The following PIK3CG variants were observed in gnomAD, a reference collection of about 807,000 sequenced individuals.
PIK3CG encodes phosphatidylinositol-4,5-bisphosphate 3-kinase catalytic subunit gamma.
Under a neutral mutation model 102.3 loss-of-function variants are expected in PIK3CG, and 55 were observed. The ratio of observed to expected loss-of-function variants is 0.54; its 90% CI spans 0.43 to 0.67. The LOEUF is 0.67. Ranked by LOEUF, PIK3CG falls within the 30% of genes least tolerant of loss-of-function variation. PIK3CG has a pLI of 0.00. For synonymous variants in PIK3CG, 552 were observed against 540.0 expected, an observed-to-expected ratio of 1.02 and a Z score of -0.31; for missense variants, 1,258 against 1,391.8, an observed-to-expected ratio of 0.90 and a Z score of 1.53.
chr7:106,904,545 TCTCA>T (rs1791640990), intron 10 of PIK3CG, among the ~76,000 whole-genome samples: 1 of 152,214 alleles, frequency 6.6e-6, no homozygotes, highest in African/African-American at 2.4e-5. Flanking sequence ...AAGCCCTCTC[TCTCA>T]CTCAGTGTTC....
rs1285594350 is a variant in PIK3CG, at chr7:106,899,213, G to A, written c.3031-5896G>A. On this transcript the variant is annotated intron_variant, in intron 10 of 10. Coordinates refer to ENST00000496166, the MANE Select transcript of PIK3CG (RefSeq NM_001282426.2). The surrounding 1 kb of genome is among the most constrained non-coding windows in gnomAD (Gnocchi z 4.6). ...ATGCGTGATTTTTTACACTGATTTT[G>A]GATCCTACAACTTTGCTGAAGTTGT... is the stretch of plus-strand genomic sequence containing the variant. 6.6e-6 allele frequency among the ~76,000 whole-genome samples: 1 copy of A among 152,094 alleles called. No individual in the cohort carries two copies. The highest frequency in any genetic ancestry group is 1.5e-5 in the Non-Finnish European group (1 of 68,008).
intron 10 of PIK3CG, among the ~76,000 whole-genome samples, chr7:106,898,281 C>A (rs1791459571): frequency 6.6e-6 from 1 of 152,128 alleles, no homozygotes; most frequent in Non-Finnish European, 1.5e-5. Context: ...GATATTAGAC[C>A]TTTGTCAGAT....
At position 106,877,491 on chromosome 7, in the gene PIK3CG, A is replaced by G. The variant is rs1198631826; in HGVS notation, c.2392-2028A>G. Among the ~76,000 whole-genome samples, 1 of 152,212 alleles carries G rather than the reference A, an allele frequency of 6.6e-6. No homozygotes were observed. The highest frequency in any genetic ancestry group is 1.5e-5 in the Non-Finnish European group (1 of 68,032). ...TTTTCTTAGAAGGGTTATGGTTTTA[A>G]TTCTTACATTGAAGTCTGCAATCCA... On this transcript the variant is annotated intron_variant, in intron 5 of 10. Transcript: ENST00000496166. This position sits in a 1 kb window ranked among gnomAD's most constrained non-coding sequence, Gnocchi z 4.5.
chr7:106,904,840 A>G (rs1270058662), intron 10 of PIK3CG, among the ~76,000 whole-genome samples: 1 of 152,220 alleles, frequency 6.6e-6, no homozygotes, highest in Admixed American at 6.5e-5. Flanking sequence ...AAGAAACTGA[A>G]TTAAAAAGGT....
In PIK3CG at chr7:106,896,126, G is replaced by A. The variant is rs534807142; in HGVS notation, c.3031-8983G>A. Among the ~76,000 whole-genome samples, 12 of 152,344 alleles carry A rather than the reference G, an allele frequency of 7.9e-5. No homozygotes were observed. In the East Asian group the frequency reaches 2.3e-3, roughly 29 times the overall value. On this transcript the variant is annotated intron_variant, in intron 10 of 10. Transcript: ENST00000496166. ...ATTAGAATCAACAGAAATTCTTTAT[G>A]TGAGTGAAATAGCCTTCGAGAAAAG...
In PIK3CG at chr7:106,884,430, A is replaced by G. The variant is rs1360847229; in HGVS notation, c.2872+164A>G. ...CACCATTCATCCCCAGAATTTTTCC[A>G]TCTTCCCCAGCTGAAACTCTGTACC... On this transcript the variant is annotated intron_variant, in intron 9 of 10. Coordinates refer to ENST00000496166, the MANE Select transcript of PIK3CG (RefSeq NM_001282426.2). The surrounding 1 kb of genome is among the most constrained non-coding windows in gnomAD (Gnocchi z 4.2). Among the ~76,000 whole-genome samples the G allele has an allele frequency of 6.6e-6, 1 of 152,158 alleles. No individual in the cohort carries two copies. Among genetic ancestry groups the G allele is most frequent in the Non-Finnish European group, 1.5e-5 (1 of 68,018 alleles).
chr7:106,882,222 C>T lies in PIK3CG; in HGVS notation c.2629+15C>T. 1.5e-6 allele frequency: 2 copies of T among 1,357,324 alleles called. No homozygotes were observed. Among genetic ancestry groups the T allele is most frequent in the East Asian group, 2.5e-5 (1 of 40,304 alleles). 84.1% of individuals were successfully genotyped at this position (1,357,324 alleles called of 1,614,324 possible). Reference sequence around the variant, plus strand: ...TGACAAAATAGGTATGTAGTTACCTCAGGAGATGAATAGACCTCTCAGCTC... The same window carrying T: ...TGACAAAATAGGTATGTAGTTACCTTAGGAGATGAATAGACCTCTCAGCTC... On this transcript the variant is annotated intron_variant, in intron 7 of 10. Transcript: ENST00000496166.
intron 2 of PIK3CG, among the ~76,000 whole-genome samples, chr7:106,871,598 TAA>T (rs371205290): frequency 1.1e-4 from 17 of 152,354 alleles, no homozygotes; most frequent in Middle Eastern, 3.4e-3. Context: ...TATTTAATAT[TAA>T]GTCTTTCTTC....
At position 106,899,453 on chromosome 7, in the gene PIK3CG, G is replaced by A. The variant is rs1791490257; in HGVS notation, c.3031-5656G>A. Among the ~76,000 whole-genome samples, 1 of 152,154 alleles carries A rather than the reference G, an allele frequency of 6.6e-6. No homozygotes were observed. Among genetic ancestry groups the A allele is most frequent in the Non-Finnish European group, 1.5e-5 (1 of 68,026 alleles). On this transcript the variant is annotated intron_variant, in intron 10 of 10. Transcript: ENST00000496166. The surrounding 1 kb of genome is among the most constrained non-coding windows in gnomAD (Gnocchi z 4.6). Reference sequence around the variant, plus strand: ...CTTGTCTTGTGCCAGTTTTCAAGGGGAATGCTTCCAGCTTTTGCCCATTCA... The same window carrying A: ...CTTGTCTTGTGCCAGTTTTCAAGGGAAATGCTTCCAGCTTTTGCCCATTCA...
chr7:106,869,166 C>A lies in PIK3CG; in HGVS notation c.1605C>A (p.Thr535=), dbSNP rs2116459478. The A allele has an allele frequency of 6.2e-7, 1 of 1,614,184 alleles. No homozygotes were observed. The highest frequency in any genetic ancestry group is 8.5e-7 in the Non-Finnish European group (1 of 1,180,040). ...HPIALPKHQP[T]PDPEGDRVRA... Reference sequence around the variant, plus strand: ...TAGCCCTGCCTAAGCATCAGCCCACCCCTGACCCGGAAGGGGACCGGGTTC... The same window carrying A: ...TAGCCCTGCCTAAGCATCAGCCCACACCTGACCCGGAAGGGGACCGGGTTC... Residue 535 remains threonine (T), a synonymous_variant, in exon 2 of 11, where the codon ACC becomes ACA. Coordinates refer to ENST00000496166, the MANE Select transcript of PIK3CG (RefSeq NM_001282426.2). This position sits in a 1 kb window ranked among gnomAD's most constrained non-coding sequence, Gnocchi z 5.3.
chr7:106,874,630 G>A lies in PIK3CG; in HGVS notation c.2288-70G>A, dbSNP rs983391445. On this transcript the variant is annotated intron_variant, in intron 4 of 10. Coordinates refer to ENST00000496166, the MANE Select transcript of PIK3CG (RefSeq NM_001282426.2). This position sits in a 1 kb window ranked among gnomAD's most constrained non-coding sequence, Gnocchi z 4.3. ...AATGCTATGAATAAATGTGTTCTCA[G>A]GAAATGTAATAGATAATATTGATGA... The A allele has an allele frequency of 2.2e-5, 23 of 1,025,630 alleles. No individual in the cohort carries two copies. The highest frequency in any genetic ancestry group is 2.9e-5 in the Non-Finnish European group (19 of 658,704). 63.5% of individuals were successfully genotyped at this position (1,025,630 alleles called of 1,614,324 possible). A position where few individuals can be genotyped will look rare whatever the true frequency, so the allele number is the denominator to read the frequency against.
rs1342104015 is a variant in PIK3CG, at chr7:106,897,548, T to C, written c.3031-7561T>C. ...CCTCCTCTCATTCTCTCCCCTCAAG[T>C]AGATCCCAGTGTCTGTTGTTTCCTT... is the stretch of plus-strand genomic sequence containing the variant. On this transcript the variant is annotated intron_variant, in intron 10 of 10. Coordinates refer to ENST00000496166, the MANE Select transcript of PIK3CG (RefSeq NM_001282426.2). This position sits in a 1 kb window ranked among gnomAD's most constrained non-coding sequence, Gnocchi z 4.6. 6.6e-6 allele frequency among the ~76,000 whole-genome samples: 1 copy of C among 152,134 alleles called. No individual in the cohort carries two copies. The highest frequency in any genetic ancestry group is 2.4e-5 in the African/African-American group (1 of 41,422).
In PIK3CG at chr7:106,886,294, T is replaced by C. The variant is rs1262984943; in HGVS notation, c.3030+2T>C. 2 of 1,614,020 alleles carry C rather than the reference T, an allele frequency of 1.2e-6. No homozygotes were observed. Among genetic ancestry groups the C allele is most frequent in the Non-Finnish European group, 1.7e-6 (2 of 1,179,962 alleles). ...AGCCCACACTTCCAGAAATTTCAGG[T>C]AAGTCACCTCCTTCATCGCCTGCTG... On this transcript the variant is annotated splice_donor_variant, in intron 10 of 10. Coordinates refer to ENST00000496166, the MANE Select transcript of PIK3CG (RefSeq NM_001282426.2). LOFTEE classifies it high-confidence loss of function.
At chr7:106,878,515 T>C (rs1179982714) in intron 5 of PIK3CG, among the ~76,000 whole-genome samples, 1 of 152,214 alleles carries the variant, frequency 6.6e-6, no homozygotes, top group Non-Finnish European at 1.5e-5. Context: ...TGGATTTCCT[T>C]CCTCTGTGCT....
Position 106,902,557 on chromosome 7 carries a change from A to C in PIK3CG, c.3031-2552A>C, listed in dbSNP as rs1791586621. ...GTCCTTAAAAGACTAAAAAAAAAAAAGTCCAGTTTTTAGGTAAATTTTCCA... is the reference window on the plus strand; with the variant it reads ...GTCCTTAAAAGACTAAAAAAAAAAACGTCCAGTTTTTAGGTAAATTTTCCA... On this transcript the variant is annotated intron_variant, in intron 10 of 10. Transcript: ENST00000496166. The surrounding 1 kb of genome is among the most constrained non-coding windows in gnomAD (Gnocchi z 4.3). Among the ~76,000 whole-genome samples the C allele has an allele frequency of 6.6e-6, 1 of 151,780 alleles. No homozygotes were observed. Among genetic ancestry groups the C allele is most frequent in the Non-Finnish European group, 1.5e-5 (1 of 67,986 alleles).
Position 106,884,249 on chromosome 7 carries a change from T to C in PIK3CG, c.2855T>C (p.Ile952Thr). 3 of 1,611,010 alleles carry C rather than the reference T, an allele frequency of 1.9e-6. No individual in the cohort carries two copies. The highest frequency in any genetic ancestry group is 2.5e-6 in the Non-Finnish European group (3 of 1,177,278). Residue 952 changes from isoleucine (I) to threonine (T), a missense_variant, in exon 9 of 11, where the codon ATT becomes ACT. Around this residue, in one of 2 missense-constraint regions of PIK3CG, gnomAD observed 426 missense variants for 604.2 expected, o/e 0.71. Transcript: ENST00000496166. The surrounding 1 kb of genome is among the most constrained non-coding windows in gnomAD (Gnocchi z 4.2). ...LGIGDRHNDN[I>T]MITETGNLFH... The stretch of plus-strand genomic sequence containing the variant: ...ATAGGCGACAGACACAATGACAATA[T>C]TATGATCACCGAGACAGGTGAGTTT...
intron 10 of PIK3CG, among the ~76,000 whole-genome samples, chr7:106,900,627 T>A (rs1791522817): frequency 6.6e-6 from 1 of 152,176 alleles, no homozygotes; most frequent in Non-Finnish European, 1.5e-5. Context: ...TATGTTAGCT[T>A]GTTTGTGTGG....
Position 106,883,223 on chromosome 7 carries a change from T to G in PIK3CG, c.2760+60T>G. On this transcript the variant is annotated intron_variant, in intron 8 of 10. Transcript: ENST00000496166. The surrounding 1 kb of genome is among the most constrained non-coding windows in gnomAD (Gnocchi z 5.8). ...TTACAAGTTGTCATTTATATAGCAG[T>G]AGTGGCTTCAAGTTTTCAGAGAATC... The G allele has an allele frequency of 6.4e-7, 1 of 1,565,218 alleles. No homozygotes were observed. Among genetic ancestry groups the G allele is most frequent in the Admixed American group, 1.7e-5 (1 of 57,844 alleles).
rs900422563 is a variant in PIK3CG, at chr7:106,867,655, C to G, written c.94C>G (p.Leu32Val). 1 of 1,613,416 alleles carries G rather than the reference C, an allele frequency of 6.2e-7. No individual in the cohort carries two copies. Among genetic ancestry groups the G allele is most frequent in the Non-Finnish European group, 8.5e-7 (1 of 1,180,024 alleles). Residue 32 changes from leucine to valine, a missense_variant, in exon 2 of 11, where the codon CTG (leucine) becomes GTG (valine). Leu to Val is a conservative substitution (Grantham distance 32). Transcript: ENST00000496166. The surrounding 1 kb of genome is among the most constrained non-coding windows in gnomAD (Gnocchi z 5.1). ...GAAGCCGCGCAGTGCTGCGGCCAGC[C>G]TGTCCTCCATGGAGCTCATCCCCAT... ...RMKPRSAAASLSSMELIPIEF... is the reference protein window; with the variant it reads ...RMKPRSAAASVSSMELIPIEF...
Sources: gnomAD v4.1 joint callset for allele counts (sites outside exome capture counted in the v4.1 genomes callset) on GRCh38, gnomAD v4.1.1 for gene constraint, gnomAD v4.1.1 regional missense constraint, Gnocchi (gnomAD v3.1) non-coding constraint, MANE v1.5 for transcripts, NCBI Gene and HGNC (gene_info 2026-07-23, HGNC 2026-07-21) for gene names.